The following OR9Q1 variants were observed in gnomAD, a reference collection of about 807,000 sequenced individuals.
OR9Q1 encodes the protein olfactory receptor family 9 subfamily Q member 1.
For synonymous variants in OR9Q1, 153 were observed against 148.6 expected, an observed-to-expected ratio of 1.03 and a Z score of -0.22; for missense variants, 374 against 378.8, an observed-to-expected ratio of 0.99 and a Z score of 0.11.
chr11:58,139,591 T>C (rs1854223913), intron 2 of OR9Q1, among the ~76,000 whole-genome samples: 1 of 152,174 alleles, frequency 6.6e-6, no homozygotes, highest in South Asian at 2.1e-4. Context: ...GCTTCATCCA[T>C]GTCCCAACAA....
chr11:58,110,680 A>G (rs561227653), intron 2 of OR9Q1, among the ~76,000 whole-genome samples: 1 of 152,240 alleles, frequency 6.6e-6, no homozygotes, highest in East Asian at 1.9e-4. Flanking sequence ...GCTATCCTAC[A>G]CTGGTCCTTC....
chr11:58,134,577 G>A (rs1202700431), intron 2 of OR9Q1, among the ~76,000 whole-genome samples: 1 of 152,176 alleles, frequency 6.6e-6, no homozygotes, highest in Admixed American at 6.5e-5. Flanking sequence ...AGAAGGCACT[G>A]GGGAAGGAGA....
intron 2 of OR9Q1, among the ~76,000 whole-genome samples, chr11:58,141,065 C>T (rs1490097346): frequency 6.6e-6 from 1 of 152,170 alleles, no homozygotes. Context: ...AATGGGAGTT[C>T]ACTCATGATT....
chr11:58,059,132 C>T (rs1268751232), intron 2 of OR9Q1, among the ~76,000 whole-genome samples: 1 of 152,114 alleles, frequency 6.6e-6, no homozygotes, highest in Non-Finnish European at 1.5e-5. Context: ...AGCCTGTGGG[C>T]TCAGGCCTAA....
chr11:58,111,210 C>T (rs1197865043), intron 2 of OR9Q1, among the ~76,000 whole-genome samples: 4 of 152,092 alleles, frequency 2.6e-5, no homozygotes, highest in Non-Finnish European at 5.9e-5. Context: ...CCTATTGCTC[C>T]CACCTCCTTT....
At chr11:58,118,987 A>AC (rs756307661) in intron 2 of OR9Q1, 2 of 1,613,836 alleles carry the variant, frequency 1.2e-6, no homozygotes, top group Middle Eastern at 1.7e-4. Flanking sequence ...GGCTCCTGAC[A>AC]CCCCACAGAC....
At chr11:58,091,575 A>G (rs1853684681) in intron 2 of OR9Q1, among the ~76,000 whole-genome samples, 1 of 152,160 alleles carries the variant, frequency 6.6e-6, no homozygotes, top group Non-Finnish European at 1.5e-5. Flanking sequence ...TATGTGGTCA[A>G]TTTTTGAATA....
chr11:58,143,552 A>C (rs968290869), intron 2 of OR9Q1, among the ~76,000 whole-genome samples: 2 of 152,168 alleles, frequency 1.3e-5, no homozygotes, highest in Non-Finnish European at 2.9e-5. Context: ...TTTTGCCCTC[A>C]TATTCTTCTG....
chr11:58,078,698 G>A (rs924141151), intron 2 of OR9Q1: 2 of 152,202 alleles, frequency 1.3e-5, no homozygotes, highest in African/African-American at 2.4e-5. Flanking sequence ...TAGTTATTGT[G>A]AGGATGTCCT....
In OR9Q1 at chr11:58,179,592, C is replaced by T. The variant is rs1448185425; in HGVS notation, c.148C>T (p.Leu50Phe). 6.2e-7 allele frequency: 1 copy of T among 1,613,756 alleles called. No individual in the cohort carries two copies. Among genetic ancestry groups the T allele is most frequent in the Non-Finnish European group, 8.5e-7 (1 of 1,179,782 alleles). The change falls in exon 3 of 3, where the codon CTC (leucine) becomes TTC (phenylalanine). Residue 50 changes from leucine (L) to phenylalanine (F), a missense_variant. Coordinates refer to ENST00000335397, the MANE Select transcript of OR9Q1 (RefSeq NM_001005212.4). ...GAACTTAGAGATGATTATTCTGATC[C>T]TCATGGATCACCAGCTCCACGCTCC... ...LGNLEMIILI[L>F]MDHQLHAPMY...
At chr11:58,123,273 A>C (rs1317851214) in intron 2 of OR9Q1, among the ~76,000 whole-genome samples, 1 of 152,214 alleles carries the variant, frequency 6.6e-6, no homozygotes, top group Non-Finnish European at 1.5e-5. Flanking sequence ...TATGGAAACA[A>C]AGAAATCTCC....
At chr11:58,107,670 C>A (rs954012189) in intron 2 of OR9Q1, among the ~76,000 whole-genome samples, 2 of 151,952 alleles carry the variant, frequency 1.3e-5, no homozygotes, top group African/African-American at 4.8e-5. Flanking sequence ...GGTTCTAGAT[C>A]CTTGAGGAAT....
chr11:58,104,193 T>G (rs1176674972), intron 2 of OR9Q1, among the ~76,000 whole-genome samples: 1 of 152,028 alleles, frequency 6.6e-6, no homozygotes, highest in African/African-American at 2.4e-5. Flanking sequence ...AAATATATAC[T>G]GAGTAAAACT....
Position 58,057,130 on chromosome 11 carries a change from A to G in OR9Q1, c.-15+1183A>G, listed in dbSNP as rs145301546. Among the ~76,000 whole-genome samples, 70 of 150,976 alleles carry G rather than the reference A, an allele frequency of 4.6e-4. No individual in the cohort carries two copies. The East Asian group carries it at 0.011, about 24-fold the overall frequency. The stretch of plus-strand genomic sequence containing the variant: ...TGCCTCAGCCTCCTGAGTAGCTGGG[A>G]CTATAGACAACGCCATTACACCTGG... On this transcript the variant is annotated intron_variant, in intron 2 of 2. Transcript: ENST00000335397.
intron 2 of OR9Q1, among the ~76,000 whole-genome samples, chr11:58,110,501 T>A (rs1163646137): frequency 6.6e-6 from 1 of 152,194 alleles, no homozygotes; most frequent in Non-Finnish European, 1.5e-5. Flanking sequence ...ATTTCCACAT[T>A]AATTTAGTGA....
intron 2 of OR9Q1, chr11:58,119,357 C>A: frequency 6.2e-7 from 1 of 1,613,828 alleles, no homozygotes. Flanking sequence ...CTCAGAAACA[C>A]CAGAAAGAGG....
intron 2 of OR9Q1, among the ~76,000 whole-genome samples, chr11:58,065,745 A>G (rs1853422898): frequency 6.6e-6 from 1 of 152,152 alleles, no homozygotes; most frequent in Non-Finnish European, 1.5e-5. Context: ...GAGTGTTAGC[A>G]TTGTGCAAAG....
At chr11:58,031,865 C>A in intron 1 of OR9Q1, 1 of 1,613,776 alleles carries the variant, frequency 6.2e-7, no homozygotes, top group Non-Finnish European at 8.5e-7. Flanking sequence ...GAAGGGAGCT[C>A]TGGGTCGAGT....
intron 2 of OR9Q1, among the ~76,000 whole-genome samples, chr11:58,136,044 A>G (rs1395991867): frequency 1.3e-5 from 2 of 152,090 alleles, no homozygotes; most frequent in African/African-American, 4.8e-5. Context: ...AAATCCCATT[A>G]GTTTTCTGAG....
Sources: allele counts gnomAD v4.1 joint callset (sites outside exome capture counted in the v4.1 genomes callset), GRCh38; gene constraint gnomAD v4.1.1; transcripts MANE v1.5; gene names NCBI Gene and HGNC (gene_info 2026-07-23, HGNC 2026-07-21).